The following MYO10 variants were observed in gnomAD, a reference collection of about 807,000 sequenced individuals.
MYO10 encodes the protein unconventional myosin-X.
A neutral mutation model predicts 257.3 loss-of-function variants in MYO10; 133 were observed. The observed-to-expected ratio is 0.52, with a 90% CI of 0.45 to 0.60. MYO10 has a LOEUF of 0.60. Ranked by LOEUF, MYO10 falls within the 20% of genes least tolerant of loss-of-function variation. MYO10 has a pLI of 0.00. For missense variants in MYO10, 2,399 were observed against 2,635.7 expected (o/e 0.91, Z 1.97); for synonymous variants, 1,104 against 1,028.6 (o/e 1.07, Z -1.40).
At chr5:16,851,236 T>C (rs1206436473) in intron 2 of MYO10, among the ~76,000 whole-genome samples, 4 of 152,202 alleles carry the variant, frequency 2.6e-5, no homozygotes, top group East Asian at 1.9e-4. Flanking sequence ...GGAGACTCTG[T>C]TATTTGTTCC....
chr5:16,720,492 C>T (rs931990161), intron 19 of MYO10, among the ~76,000 whole-genome samples: 5 of 151,898 alleles, frequency 3.3e-5, no homozygotes, highest in South Asian at 2.1e-4. Flanking sequence ...CTCGCTCTGC[C>T]GCCCAGGCTG....
rs188326553 is a variant in MYO10 at position 16,927,549 on chromosome 5, C to A, written c.21+8239G>T. 6.1e-3 allele frequency among the ~76,000 whole-genome samples: 923 copies of A among 152,256 alleles called. 13 individuals carry two copies. Among genetic ancestry groups the A allele is most frequent in the African/African-American group, 0.021 (862 of 41,532 alleles). On this transcript the variant is annotated intron_variant, in intron 1 of 40. Transcript: ENST00000513610. ...CCATGTTAGCCAGGATGGTCTGGAT[C>A]TCCTGACCTCGTGATCCTCCTGCCT...
chr5:16,749,026 C>G (rs940329841), intron 19 of MYO10, among the ~76,000 whole-genome samples: 1 of 152,154 alleles, frequency 6.6e-6, no homozygotes, highest in African/African-American at 2.4e-5. Flanking sequence ...CGACAGCCCA[C>G]AAGGCTCACG....
At chr5:16,919,293 T>G (rs2126799160) in intron 1 of MYO10, among the ~76,000 whole-genome samples, 1 of 152,106 alleles carries the variant, frequency 6.6e-6, no homozygotes, top group African/African-American at 2.4e-5. Flanking sequence ...CATGAGAATC[T>G]CTTGAACCCA....
intron 1 of MYO10, among the ~76,000 whole-genome samples, chr5:16,918,495 C>CTTTTTTTTT (rs1422704020): frequency 3.4e-5 from 3 of 87,260 alleles, no homozygotes; most frequent in African/African-American, 1.3e-4. Flanking sequence ...AACTATTTTT[C>CTTTTTTTTT]TTTTCTTTTT....
At chr5:16,846,504 G>A (rs1216867194) in intron 2 of MYO10, among the ~76,000 whole-genome samples, 1 of 152,158 alleles carries the variant, frequency 6.6e-6, no homozygotes, top group African/African-American at 2.4e-5. Flanking sequence ...AAAGAGCGCA[G>A]GCTTCACTGA....
chr5:16,788,718 T>A (rs1741665022), intron 4 of MYO10, among the ~76,000 whole-genome samples: 1 of 151,266 alleles, frequency 6.6e-6, no homozygotes, highest in Non-Finnish European at 1.5e-5. Context: ...AGATGAAAAA[T>A]GACTGAGAAG....
chr5:16,861,869 A>G (rs533048593), intron 2 of MYO10, among the ~76,000 whole-genome samples: 1 of 152,278 alleles, frequency 6.6e-6, no homozygotes, highest in East Asian at 1.9e-4. Flanking sequence ...GGACTCCTGG[A>G]CGTGTTATTA....
intron 22 of MYO10, 68 bp downstream of exon 22, chr5:16,704,511 A>T: frequency 7.3e-7 from 1 of 1,372,846 alleles, no homozygotes; most frequent in Non-Finnish European, 1.0e-6. Flanking sequence ...ACTCCACTGG[A>T]ACACACTGGG....
At chr5:16,702,198 G>A (rs1738111934) in intron 24 of MYO10, among the ~76,000 whole-genome samples, 1 of 152,184 alleles carries the variant, frequency 6.6e-6, no homozygotes, top group Non-Finnish European at 1.5e-5. Flanking sequence ...CAAACTTAAG[G>A]ATAACTTGAT....
chr5:16,858,441 T>TG (rs568191152), intron 2 of MYO10, among the ~76,000 whole-genome samples: 2 of 135,344 alleles, frequency 1.5e-5, no homozygotes, highest in East Asian at 4.3e-4. Flanking sequence ...GCTACTTTTG[T>TG]AAAAAAAAAA....
intron 19 of MYO10, among the ~76,000 whole-genome samples, chr5:16,749,834 A>C (rs1376438261): frequency 6.6e-6 from 1 of 152,222 alleles, no homozygotes; most frequent in Admixed American, 6.5e-5. Context: ...CCTGATGTGT[A>C]TCAGTCTGTT....
chr5:16,725,455 C>G (rs1430888225), intron 19 of MYO10, among the ~76,000 whole-genome samples: 1 of 152,118 alleles, frequency 6.6e-6, no homozygotes, highest in Non-Finnish European at 1.5e-5. Flanking sequence ...AGCCCTTGAA[C>G]AGGAGCTATG....
intron 2 of MYO10, among the ~76,000 whole-genome samples, chr5:16,855,103 G>C (rs924061683): frequency 6.6e-6 from 1 of 152,010 alleles, no homozygotes; most frequent in Non-Finnish European, 1.5e-5. Flanking sequence ...AGTTGTTAAC[G>C]AATCAAATCC....
rs1736105688 is a variant in MYO10 at position 16,665,209 on chromosome 5, A to AG, written c.*1482_*1483insC. 6.7e-6 allele frequency: 1 copy of AG among 149,588 alleles called. No individual in the cohort carries two copies. The highest frequency in any genetic ancestry group is 2.1e-4 in the South Asian group (1 of 4,730). 9.3% of individuals were successfully genotyped at this position (149,588 alleles called of 1,614,324 possible). A position where few individuals can be genotyped will look rare whatever the true frequency, so the allele number is the denominator to read the frequency against. ...CAGAGTGAGACTCTGTCTCTAAAGA[A>AG]AAAAAAAAAAAACCACCAAAAAGCC... On this transcript the variant is annotated 3_prime_UTR_variant, in exon 41 of 41. Transcript: ENST00000513610.
intron 2 of MYO10, among the ~76,000 whole-genome samples, chr5:16,845,419 T>C (rs31501): frequency 0.37 from 56,407 of 152,026 alleles, 12,324 homozygotes; most frequent in African/African-American, 0.61. Context: ...GTAATCCCAA[T>C]ATTTTGGGAG....
intron 19 of MYO10, among the ~76,000 whole-genome samples, chr5:16,740,144 C>G (rs985735683): frequency 6.6e-6 from 1 of 152,156 alleles, no homozygotes; most frequent in Non-Finnish European, 1.5e-5. Context: ...CCCCTAACCT[C>G]TGGTCTCCAG....
chr5:16,933,257 T>TAA (rs1485673568), intron 1 of MYO10, among the ~76,000 whole-genome samples: 7 of 152,124 alleles, frequency 4.6e-5, no homozygotes, highest in African/African-American at 1.7e-4. Flanking sequence ...AATTACTGAG[T>TAA]AGAGTCCAGG....
chr5:16,934,928 C>G (rs956989762), intron 1 of MYO10, among the ~76,000 whole-genome samples: 29 of 152,218 alleles, frequency 1.9e-4, no homozygotes, highest in African/African-American at 6.0e-4. Flanking sequence ...TCACATCAGA[C>G]TCTCTCAAGT....
Sources: allele counts gnomAD v4.1 joint callset (sites outside exome capture counted in the v4.1 genomes callset), GRCh38; gene constraint gnomAD v4.1.1; transcripts MANE v1.5; gene names NCBI Gene and HGNC (gene_info 2026-07-23, HGNC 2026-07-21).